Variants in CHEK1 observed in about 807,000 individuals in gnomAD.
The protein encoded by CHEK1 is serine/threonine-protein kinase Chk1.
In CHEK1, 32 loss-of-function variants were observed where a neutral mutation model predicts 60.2. That is an observed-to-expected ratio of 0.53 (90% CI 0.40 to 0.71). The LOEUF (loss-of-function observed/expected upper bound fraction) is 0.71. Among genes scored for constraint, CHEK1 ranks in the 30% least tolerant of loss-of-function variants. The pLI is 0.00. For missense variants in CHEK1, 399 were observed against 564.6 expected (o/e 0.71, Z 2.97); for synonymous variants, 179 against 187.2 (o/e 0.96, Z 0.36).
chr11:125,630,641 A>G lies in CHEK1; in HGVS notation c.424+1181A>G, dbSNP rs369383231. 5.3e-5 allele frequency among the ~76,000 whole-genome samples: 8 copies of G among 152,128 alleles called. No homozygotes were observed. The East Asian group carries it at 1.2e-3, about 22-fold the overall frequency. ...ATGCTTTTTTCTTATGTGCATATGGATTTTACTTTTTACCCCTTTAAACTG... is the reference window on the plus strand; with the variant it reads ...ATGCTTTTTTCTTATGTGCATATGGGTTTTACTTTTTACCCCTTTAAACTG... On this transcript the variant is annotated intron_variant, in intron 5 of 12. Coordinates refer to ENST00000438015, the MANE Select transcript of CHEK1 (RefSeq NM_001114122.3).
downstream of CHEK1, among the ~76,000 whole-genome samples, chr11:125,678,503 G>A (rs1174260989): frequency 2.0e-5 from 3 of 152,144 alleles, no homozygotes; most frequent in African/African-American, 7.2e-5. Context: ...GAAACAAACA[G>A]AGGCCACCTC....
chr11:125,656,452 T>C lies in CHEK1; in HGVS notation c.*1132T>C, dbSNP rs1347716742. ...TGTTATGATTAGAGTTTATCACATATTAATGTATACTGGCAAATTGTGTTA... is the reference window on the plus strand; with the variant it reads ...TGTTATGATTAGAGTTTATCACATACTAATGTATACTGGCAAATTGTGTTA... On this transcript the variant is annotated 3_prime_UTR_variant, in exon 13 of 13. Transcript: ENST00000438015. 1 of 213,232 alleles carries C rather than the reference T, an allele frequency of 4.7e-6. No homozygotes were observed. Among genetic ancestry groups the C allele is most frequent in the African/African-American group, 2.3e-5 (1 of 44,224 alleles). The allele number at this position is 213,232 out of a possible 1,614,324, so 13.2% of individuals were successfully genotyped here. A position where few individuals can be genotyped will look rare whatever the true frequency, so the allele number is the denominator to read the frequency against.
chr11:125,636,314 G>A (rs531401787), intron 7 of CHEK1, among the ~76,000 whole-genome samples: 1 of 152,240 alleles, frequency 6.6e-6, no homozygotes, highest in South Asian at 2.1e-4. Flanking sequence ...TTTAAAGGCT[G>A]TGATAATATT....
chr11:125,668,093 C>T (rs1014649395), intron 13 of CHEK1, among the ~76,000 whole-genome samples: 9 of 152,272 alleles, frequency 5.9e-5, no homozygotes, highest in African/African-American at 1.9e-4. Flanking sequence ...GTTTAGTTAA[C>T]AGAAATGAGG....
At chr11:125,629,158 C>CT (rs1229335372) in intron 3 of CHEK1, 74 bp from the exon 4 acceptor site, 1 of 1,438,750 alleles carries the variant, frequency 7.0e-7, no homozygotes, top group African/African-American at 1.4e-5. Context: ...AATGTCTAAG[C>CT]TTCAAATTAA....
chr11:125,662,237 G>A lies in CHEK1; in HGVS notation c.*27+6890G>A, dbSNP rs1055479914. On this transcript the variant is annotated intron_variant, in intron 13 of 13. Transcript: ENST00000428830. ...AGTTCAAGGTGCCAGCAGATTCAGT[G>A]TCTGGTGAGGGCCTCTTCCCCATAG... Among the ~76,000 whole-genome samples, 3 of 152,332 alleles carry A rather than the reference G, an allele frequency of 2.0e-5. No homozygotes were observed. In the East Asian group the frequency reaches 5.8e-4, roughly 29 times the overall value.
At chr11:125,680,620 A>G (rs1203124166), downstream of CHEK1, 2 of 969,034 alleles carry the variant, frequency 2.1e-6, no homozygotes, top group African/African-American at 3.3e-5. Flanking sequence ...CTTGATTCTG[A>G]CTCAGATTGG....
downstream of CHEK1, chr11:125,680,789 A>AG: frequency 1.9e-6 from 3 of 1,613,298 alleles, no homozygotes; most frequent in Non-Finnish European, 2.5e-6. Flanking sequence ...ATCTGGATTT[A>AG]GGAAAAGAGG....
intron 13 of CHEK1, among the ~76,000 whole-genome samples, chr11:125,667,199 C>CT (rs1476059180): frequency 6.6e-6 from 1 of 152,082 alleles, no homozygotes; most frequent in Admixed American, 6.6e-5. Context: ...TTGTTCTCAT[C>CT]TTTACATTCA....
chr11:125,659,584 G>A (rs1941977198), downstream of CHEK1, among the ~76,000 whole-genome samples: 1 of 151,614 alleles, frequency 6.6e-6, no homozygotes, highest in African/African-American at 2.4e-5. Context: ...TTTTTACATT[G>A]TAGTTCTCAG....
intron 8 of CHEK1, among the ~76,000 whole-genome samples, chr11:125,642,019 C>CTGCT: frequency 6.6e-6 from 1 of 151,772 alleles, no homozygotes; most frequent in African/African-American, 2.4e-5. Flanking sequence ...TTTGCTCCCC[C>CTGCT]TTGGTCATAT....
chr11:125,641,301 C>T (rs1036736482), intron 8 of CHEK1, among the ~76,000 whole-genome samples: 4 of 152,162 alleles, frequency 2.6e-5, no homozygotes, highest in African/African-American at 9.7e-5. Context: ...TCGTCCTTCT[C>T]ACTGGTCGCT....
At chr11:125,679,228 T>TTTTTTTTTTTTTTTTTTG (rs1454887323), downstream of CHEK1, among the ~76,000 whole-genome samples, 21 of 145,638 alleles carry the variant, frequency 1.4e-4, no homozygotes, top group African/African-American at 5.4e-4. Flanking sequence ...TTTTTTTTTT[T>TTTTTTTTTTTTTTTTTTG]TGTTTCAAAG....
chr11:125,639,471 A>G (rs1941199235), intron 8 of CHEK1, among the ~76,000 whole-genome samples: 1 of 142,622 alleles, frequency 7.0e-6, no homozygotes, highest in Non-Finnish European at 1.5e-5. Flanking sequence ...TCTCAGGTTC[A>G]AGCGATTCGA....
At chr11:125,632,567 C>A (rs1165906302) in intron 5 of CHEK1, among the ~76,000 whole-genome samples, 3 of 152,068 alleles carry the variant, frequency 2.0e-5, no homozygotes, top group Non-Finnish European at 4.4e-5. Flanking sequence ...TAAGTTAAGT[C>A]CTGCCTGCAG....
chr11:125,640,400 G>A (rs1200871293), intron 8 of CHEK1, among the ~76,000 whole-genome samples: 1 of 151,922 alleles, frequency 6.6e-6, no homozygotes, highest in Non-Finnish European at 1.5e-5. Flanking sequence ...AATTAGCCGG[G>A]CGAGGTGGCG....
intron 6 of CHEK1, among the ~76,000 whole-genome samples, chr11:125,634,978 G>A (rs2847424): frequency 6.8e-6 from 1 of 147,644 alleles, no homozygotes; most frequent in Non-Finnish European, 1.5e-5. Context: ...TTTTTTTTGA[G>A]ACAAAGTCTT....
intron 11 of CHEK1, among the ~76,000 whole-genome samples, chr11:125,650,316 GT>G (rs1455156811): frequency 2.0e-5 from 3 of 151,576 alleles, no homozygotes; most frequent in African/African-American, 4.8e-5. Flanking sequence ...GCCATACTTT[GT>G]TTCCTTACAT....
intron 11 of CHEK1, among the ~76,000 whole-genome samples, chr11:125,646,700 A>G (rs185962761): frequency 4.7e-4 from 71 of 151,934 alleles, no homozygotes; most frequent in Non-Finnish European, 2.2e-4. Context: ...TTTGCTTTTG[A>G]TTTTCATCTC....
Sources: allele counts gnomAD v4.1 joint callset (sites outside exome capture counted in the v4.1 genomes callset), GRCh38; gene constraint gnomAD v4.1.1; transcripts MANE v1.5; gene names NCBI Gene and HGNC (gene_info 2026-07-23, HGNC 2026-07-21).